The following THOC1 variants were observed in gnomAD, a reference collection of about 807,000 sequenced individuals.
THOC1 encodes THO complex 1.
In THOC1, 29 loss-of-function variants were observed where a neutral mutation model predicts 97.3. That is an observed-to-expected ratio of 0.30 (90% CI 0.22 to 0.41). The LOEUF (loss-of-function observed/expected upper bound fraction) is 0.41, where lower values mean the gene tolerates loss of function less well. Ranked by LOEUF, THOC1 falls within the 10% of genes least tolerant of loss-of-function variation. THOC1 has a pLI of 1.00. For synonymous variants in THOC1, 255 were observed against 257.0 expected, an observed-to-expected ratio of 0.99 and a Z score of 0.07; for missense variants, 529 against 761.9, an observed-to-expected ratio of 0.69 and a Z score of 3.60.
At position 218,977 on chromosome 18, in the gene THOC1, G is replaced by C. The variant is rs754238162; in HGVS notation, c.1371-8C>G. On this transcript the variant is annotated splice_region_variant and splice_polypyrimidine_tract_variant and intron_variant, in intron 17 of 20. Transcript: ENST00000261600. ...AAAGTGGGCATGTGTTCCCTGAGCG[G>C]TACAAAAATAACCAGTGAGGATGGC... The C allele has an allele frequency of 6.3e-7, 1 of 1,582,644 alleles. No homozygotes were observed.
chr18:238,651 T>C (rs1043355992), intron 11 of THOC1, among the ~76,000 whole-genome samples: 9 of 152,204 alleles, frequency 5.9e-5, no homozygotes, highest in African/African-American at 2.2e-4. Flanking sequence ...CACAGTATTA[T>C]ATAATCTATA....
In THOC1 at chr18:259,169, T is replaced by TA. The variant is rs1235853232; in HGVS notation, c.520+10dup. Reference sequence around the variant, plus strand: ...TCCTGCAGAAAACTCATTTAATGCATAAAAGCTTACCTGATTTCTCAGACA... The same window carrying TA: ...TCCTGCAGAAAACTCATTTAATGCATAAAAAGCTTACCTGATTTCTCAGACA... On this transcript the variant is annotated intron_variant, in intron 7 of 20. Coordinates refer to ENST00000261600, the MANE Select transcript of THOC1 (RefSeq NM_005131.3). 1.2e-6 allele frequency: 2 copies of TA among 1,602,970 alleles called. No individual in the cohort carries two copies. Among genetic ancestry groups the TA allele is most frequent in the East Asian group, 2.2e-5 (1 of 44,698 alleles).
intron 4 of THOC1, among the ~76,000 whole-genome samples, chr18:262,900 T>C (rs777388057): frequency 1.1e-3 from 161 of 152,334 alleles, no homozygotes; most frequent in Non-Finnish European, 1.8e-3. Flanking sequence ...AGAATGCTGA[T>C]AAACTAATTT....
At position 218,918 on chromosome 18, in the gene THOC1, T is replaced by C. The variant is rs1910986625; in HGVS notation, c.1422A>G (p.Ala474=). ...CATTTTCCACCATATTTTCAGGGTC[T>C]GCCTGTTCAATGGCTTCTTCAAAGA... ...EEFFEEAIEQ[A]DPENMVENEY... Residue 474 remains alanine, a synonymous_variant, in exon 18 of 21, where the codon GCA becomes GCG. Transcript: ENST00000261600. The C allele has an allele frequency of 1.2e-6, 2 of 1,605,706 alleles. No homozygotes were observed. Among genetic ancestry groups the C allele is most frequent in the Non-Finnish European group, 1.7e-6 (2 of 1,175,430 alleles).
chr18:225,107 T>C lies in THOC1; in HGVS notation c.1119A>G (p.Arg373=). 2 of 1,576,964 alleles carry C rather than the reference T, an allele frequency of 1.3e-6. No homozygotes were observed. The highest frequency in any genetic ancestry group is 1.7e-6 in the Non-Finnish European group (2 of 1,159,580). ...LLSENPPDGE[R]FSKMVEHILN... ...CACATACCTCTACCATCTTTGAAAATCTTTCTCCATCGGGGGGGTTTTCAG... is the reference window on the plus strand; with the variant it reads ...CACATACCTCTACCATCTTTGAAAACCTTTCTCCATCGGGGGGGTTTTCAG... The change falls in exon 14 of 21, where the codon AGA becomes AGG. Residue 373 remains arginine, a synonymous_variant. Coordinates refer to ENST00000261600, the MANE Select transcript of THOC1 (RefSeq NM_005131.3).
At chr18:233,576 C>T (rs1303310414) in intron 11 of THOC1, among the ~76,000 whole-genome samples, 1 of 152,206 alleles carries the variant, frequency 6.6e-6, no homozygotes, top group East Asian at 1.9e-4. Flanking sequence ...AAGAGTGAAA[C>T]TCTGTCTCAA....
intron 11 of THOC1, among the ~76,000 whole-genome samples, chr18:236,025 T>G (rs1234965820): frequency 6.6e-6 from 1 of 152,232 alleles, no homozygotes. Flanking sequence ...CATGACACCT[T>G]GGTGGTTCAT....
chr18:250,811 T>C (rs1172199120), intron 9 of THOC1, among the ~76,000 whole-genome samples: 1 of 152,192 alleles, frequency 6.6e-6, no homozygotes, highest in African/African-American at 2.4e-5. Flanking sequence ...CCAATAGGGA[T>C]GAATTGTCTA....
At chr18:248,529 T>G (rs555358797) in intron 9 of THOC1, among the ~76,000 whole-genome samples, 111 of 152,312 alleles carry the variant, frequency 7.3e-4, no homozygotes, top group Non-Finnish European at 1.1e-3. Flanking sequence ...TTATGTTGTT[T>G]AAACCAATGT....
intron 12 of THOC1, chr18:226,349 G>A (rs1911286166): frequency 6.3e-6 from 1 of 158,926 alleles, no homozygotes; most frequent in Admixed American, 6.2e-5. Flanking sequence ...ACAGTAGAGA[G>A]CCTAATGAGG....
At chr18:247,993 A>G (rs1237256458) in intron 9 of THOC1, 36 bp from the exon 10 acceptor site, 1 of 1,269,726 alleles carries the variant, frequency 7.9e-7, no homozygotes, top group Non-Finnish European at 1.1e-6. Context: ...TAAATCATTC[A>G]AATTCTTTTA....
intron 7 of THOC1, among the ~76,000 whole-genome samples, chr18:255,595 G>A (rs1351371129): frequency 6.6e-6 from 1 of 152,240 alleles, no homozygotes; most frequent in Non-Finnish European, 1.5e-5. Flanking sequence ...TAACATAATA[G>A]TGCAAGGTGA....
chr18:248,064 A>G, intron 9 of THOC1, 107 bp from the exon 10 acceptor site: 1 of 720,272 alleles, frequency 1.4e-6, no homozygotes, highest in South Asian at 2.1e-5. Flanking sequence ...AGCTAATGAA[A>G]GTTATCAGAA....
At chr18:224,883 G>C in intron 15 of THOC1, 41 bp downstream of exon 15, 4 of 1,470,566 alleles carry the variant, frequency 2.7e-6, no homozygotes, top group Non-Finnish European at 3.7e-6. Flanking sequence ...CGTCGTTCTT[G>C]TGATGAGTAT....
intron 7 of THOC1, among the ~76,000 whole-genome samples, chr18:255,590 T>C (rs998007516): frequency 6.6e-6 from 1 of 152,196 alleles, no homozygotes; most frequent in Admixed American, 6.5e-5. Flanking sequence ...CTCCGTAACA[T>C]AATAGTGCAA....
chr18:240,158 A>C (rs570027288), intron 11 of THOC1, among the ~76,000 whole-genome samples: 2 of 152,136 alleles, frequency 1.3e-5, no homozygotes, highest in African/African-American at 4.8e-5. Context: ...TTCTTATTCT[A>C]TCTCTGCTCT....
chr18:236,350 C>CTTTTT (rs71174215), intron 11 of THOC1, among the ~76,000 whole-genome samples: 6 of 88,372 alleles, frequency 6.8e-5, no homozygotes, highest in South Asian at 4.6e-4. Context: ...GAATAAGATT[C>CTTTTT]TTTTTTTTTT....
chr18:236,789 T>C (rs1911716795), intron 11 of THOC1, among the ~76,000 whole-genome samples: 1 of 152,184 alleles, frequency 6.6e-6, no homozygotes, highest in Non-Finnish European at 1.5e-5. Context: ...TTTTATGTTT[T>C]GCTCTTGAGC....
intron 7 of THOC1, among the ~76,000 whole-genome samples, chr18:258,879 C>A (rs529741218): frequency 5.3e-5 from 8 of 151,992 alleles, no homozygotes; most frequent in Non-Finnish European, 1.2e-4. Flanking sequence ...AATCCAAACA[C>A]AAAAATAGGC....
Sources: allele counts gnomAD v4.1 joint callset (sites outside exome capture counted in the v4.1 genomes callset), GRCh38; gene constraint gnomAD v4.1.1; transcripts MANE v1.5; gene names NCBI Gene and HGNC (gene_info 2026-07-23, HGNC 2026-07-21).